Variants in ZNF469 observed in about 807,000 individuals in gnomAD.
ZNF469 encodes the protein zinc finger protein 469.
ZNF469 carries 1 observed loss-of-function variant against 1.0 expected under a neutral mutation model. The ratio of observed to expected loss-of-function variants is 1.00; its 90% CI spans 0.35 to 4.73. ZNF469 has a LOEUF of 4.73. ZNF469 is among the 30% of genes most tolerant of loss of function. The pLI is 0.16. For missense variants in ZNF469, 6,100 were observed against 5,356.3 expected (o/e 1.14, Z -4.33); for synonymous variants, 2,703 against 2,363.4 (o/e 1.14, Z -4.17).
the ZNF469 span, among the ~76,000 whole-genome samples, chr16:88,140,811 TA>T: frequency 6.6e-6 from 1 of 152,248 alleles, no homozygotes; most frequent in African/African-American, 2.4e-5. Context: ...CGGGCGCCTA[TA>T]ATCCCTGCTA....
the ZNF469 span, among the ~76,000 whole-genome samples, chr16:88,101,223 C>T: frequency 9.7e-4 from 147 of 152,316 alleles, no homozygotes; most frequent in African/African-American, 3.3e-3. Flanking sequence ...AGGGGGTGCA[C>T]GCAGGGGAAC....
the ZNF469 span, among the ~76,000 whole-genome samples, chr16:88,364,595 C>G: frequency 0.48 from 72,959 of 151,642 alleles, 19,598 homozygotes; most frequent in East Asian, 0.72. Context: ...TTAGAGTCTT[C>G]CAGTCCATGA....
Position 88,435,556 on chromosome 16 carries a change from G to T in ZNF469, c.8086G>T (p.Ala2696Ser). 6.5e-7 allele frequency: 1 copy of T among 1,549,814 alleles called. No individual in the cohort carries two copies. The highest frequency in any genetic ancestry group is 8.7e-7 in the Non-Finnish European group (1 of 1,146,956). Residue 2696 changes from alanine to serine, a missense_variant, in exon 3 of 3, where the codon GCC becomes TCC. Coordinates refer to ENST00000565624, the MANE Select transcript of ZNF469 (RefSeq NM_001367624.2). ...EADGEQPPRL[A>S]TLGPGVMEGA... ...TGACGGGGAGCAGCCGCCTCGCTTG[G>T]CCACTCTGGGACCTGGGGTGATGGA...
At chr16:88,171,748 C>G in the ZNF469 span, among the ~76,000 whole-genome samples, 1 of 152,140 alleles carries the variant, frequency 6.6e-6, no homozygotes, top group Non-Finnish European at 1.5e-5. Context: ...GATATCATGT[C>G]CTTCCTGCTG....
At chr16:88,179,938 T>C in the ZNF469 span, among the ~76,000 whole-genome samples, 1,435 of 152,318 alleles carry the variant, frequency 9.4e-3, 41 homozygotes, top group East Asian at 0.018. Context: ...TATTGTGTAA[T>C]GGCAGACTGA....
In ZNF469 at chr16:88,424,746, G is replaced by A. The variant is rs1428671792; in HGVS notation, c.-191-61G>A. ...CTCCCTCCCACCTGGCTTCTCCTCG[G>A]GCTCTTGGTCCAGAGCCATGCACCA... On this transcript the variant is annotated intron_variant, in intron 1 of 2. Coordinates refer to ENST00000565624, the MANE Select transcript of ZNF469 (RefSeq NM_001367624.2). This position sits in a 1 kb window ranked among gnomAD's most constrained non-coding sequence, Gnocchi z 4.3. Among the ~76,000 whole-genome samples the A allele has an allele frequency of 6.6e-6, 1 of 152,088 alleles. No homozygotes were observed. The highest frequency in any genetic ancestry group is 6.5e-5 in the Admixed American group (1 of 15,276).
the ZNF469 span, among the ~76,000 whole-genome samples, chr16:88,322,811 G>A: frequency 1.2e-4 from 19 of 152,284 alleles, no homozygotes; most frequent in African/African-American, 3.1e-4. Context: ...GGGAACCATC[G>A]AATGGACTTG....
chr16:88,102,897 A>C, the ZNF469 span, among the ~76,000 whole-genome samples: 1 of 152,230 alleles, frequency 6.6e-6, no homozygotes, highest in African/African-American at 2.4e-5. Context: ...GGCAGAATGC[A>C]TGTGCTCATG....
At chr16:88,411,715 T>C (rs927529056) in intron 1 of ZNF469, among the ~76,000 whole-genome samples, 16 of 152,176 alleles carry the variant, frequency 1.1e-4, no homozygotes, top group Non-Finnish European at 1.8e-4. Context: ...CCAGCCCAAG[T>C]GCTGCAGGGC....
chr16:88,430,624 C>T lies in ZNF469; in HGVS notation c.3154C>T (p.Leu1052=). ...CGGCGCCTGGGGCAAGGAGCTCATT[C>T]TGAAGATCGTGCAGCAGAAGAACAG... is the stretch of plus-strand genomic sequence containing the variant. ...RGGAWGKELI[L]KIVQQKNRRH... is the part of the protein sequence containing the mutation. Residue 1052 remains leucine (L), a synonymous_variant, in exon 3 of 3, where the codon CTG becomes TTG. Coordinates refer to ENST00000565624, the MANE Select transcript of ZNF469 (RefSeq NM_001367624.2). 1 of 1,500,568 alleles carries T rather than the reference C, an allele frequency of 6.7e-7. No homozygotes were observed. Among genetic ancestry groups the T allele is most frequent in the Non-Finnish European group, 8.8e-7 (1 of 1,130,346 alleles). The allele number at this position is 1,500,568 out of a possible 1,614,324, so 93.0% of individuals were successfully genotyped here. A position where few individuals can be genotyped will look rare whatever the true frequency, so the allele number is the denominator to read the frequency against.
the ZNF469 span, among the ~76,000 whole-genome samples, chr16:88,130,816 G>A: frequency 7.9e-5 from 12 of 152,314 alleles, no homozygotes; most frequent in African/African-American, 2.9e-4. Flanking sequence ...TACCTCGGCT[G>A]GTCTCAGCGC....
At chr16:88,265,419 C>A in the ZNF469 span, among the ~76,000 whole-genome samples, 1 of 152,202 alleles carries the variant, frequency 6.6e-6, no homozygotes, top group Non-Finnish European at 1.5e-5. Flanking sequence ...TCACTTGGGG[C>A]TTCCTTTTGG....
At chr16:88,248,735 C>T in the ZNF469 span, among the ~76,000 whole-genome samples, 3 of 152,204 alleles carry the variant, frequency 2.0e-5, no homozygotes, top group Non-Finnish European at 2.9e-5. Context: ...GACTCCCCCA[C>T]ATTGCAGATG....
chr16:88,425,285 C>T (rs1341028468), intron 2 of ZNF469, among the ~76,000 whole-genome samples: 2 of 152,224 alleles, frequency 1.3e-5, no homozygotes, highest in Admixed American at 6.5e-5. Context: ...TCTGAGCCCC[C>T]TCCTCCTCCA....
At chr16:88,295,582 G>A in the ZNF469 span, among the ~76,000 whole-genome samples, 1 of 152,168 alleles carries the variant, frequency 6.6e-6, no homozygotes, top group African/African-American at 2.4e-5. Flanking sequence ...GGTGTTTGTG[G>A]GTTTTGATTA....
chr16:88,384,129 G>C (rs546829345), intron 1 of ZNF469, among the ~76,000 whole-genome samples: 192 of 152,376 alleles, frequency 1.3e-3, no homozygotes, highest in Non-Finnish European at 2.2e-3. Context: ...CATAGGGAGT[G>C]TGCCACGTGT....
Position 88,428,281 on chromosome 16 carries a change from G to A in ZNF469, c.811G>A (p.Val271Ile), listed in dbSNP as rs1905845383. ...CAGGCCCGGCGGCAGCCCCAGGGGA[G>A]TTTCCTTCCAGTTCCCCTTCCCGGC... ...GSRPGGSPRG[V>I]SFQFPFPALH... Residue 271 changes from valine to isoleucine, a missense_variant, in exon 3 of 3, where the codon GTT (valine) becomes ATT (isoleucine). Val to Ile is a conservative substitution (Grantham distance 29). Transcript: ENST00000565624. 1 of 1,550,374 alleles carries A rather than the reference G, an allele frequency of 6.5e-7. No homozygotes were observed. Among genetic ancestry groups the A allele is most frequent in the South Asian group, 1.2e-5 (1 of 84,064 alleles).
chr16:88,196,213 C>T, the ZNF469 span, among the ~76,000 whole-genome samples: 1 of 152,122 alleles, frequency 6.6e-6, no homozygotes, highest in Non-Finnish European at 1.5e-5. Context: ...GAGTACCTGT[C>T]GGGACAGCAT....
chr16:88,273,706 C>A, the ZNF469 span, among the ~76,000 whole-genome samples: 2 of 152,124 alleles, frequency 1.3e-5, no homozygotes, highest in African/African-American at 4.8e-5. Flanking sequence ...CCCATGTTCA[C>A]AGCAGCACTA....
Sources: gnomAD v4.1 joint callset for allele counts (sites outside exome capture counted in the v4.1 genomes callset) on GRCh38, gnomAD v4.1.1 for gene constraint, Gnocchi (gnomAD v3.1) non-coding constraint, MANE v1.5 for transcripts, NCBI Gene and HGNC (gene_info 2026-07-23, HGNC 2026-07-21) for gene names.